FSHR: variants seen among roughly 807,000 people sequenced by gnomAD.
The protein encoded by FSHR is follicle-stimulating hormone receptor.
A neutral mutation model predicts 52.1 loss-of-function variants in FSHR; 46 were observed. That is an observed-to-expected ratio of 0.88 (90% CI 0.70 to 1.13). FSHR has a LOEUF of 1.13. Ranked by LOEUF, FSHR falls within the 50% of genes most tolerant of loss-of-function variation. The pLI, the probability that FSHR is intolerant of heterozygous loss-of-function variation, is 0.00. For missense variants in FSHR, 964 were observed against 834.6 expected (o/e 1.16, Z -1.91); for synonymous variants, 399 against 309.6 (o/e 1.29, Z -3.03).
At chr2:48,984,791 G>A (rs1440089321) in intron 6 of FSHR, among the ~76,000 whole-genome samples, 5 of 152,096 alleles carry the variant, frequency 3.3e-5, no homozygotes, top group African/African-American at 1.2e-4. Context: ...AATATTTCTT[G>A]CATATTACTG....
At chr2:49,063,299 A>C (rs1200003528) in intron 2 of FSHR, among the ~76,000 whole-genome samples, 1 of 152,156 alleles carries the variant, frequency 6.6e-6, no homozygotes, top group Non-Finnish European at 1.5e-5. Flanking sequence ...TCTCTTTTCA[A>C]AGGAAATCTT....
chr2:49,132,602 C>T (rs1453873475), intron 1 of FSHR, among the ~76,000 whole-genome samples: 3 of 152,042 alleles, frequency 2.0e-5, no homozygotes, highest in African/African-American at 7.2e-5. Flanking sequence ...GCACATGGGA[C>T]ACATTAAAGT....
At chr2:49,025,047 C>G (rs138955268) in intron 2 of FSHR, among the ~76,000 whole-genome samples, 5 of 152,264 alleles carry the variant, frequency 3.3e-5, no homozygotes, top group African/African-American at 1.2e-4. Context: ...AATGAATTAT[C>G]TTTGAAAGAT....
At chr2:49,127,886 C>CT in intron 1 of FSHR, among the ~76,000 whole-genome samples, 2 of 33,996 alleles carry the variant, frequency 5.9e-5, no homozygotes, top group South Asian at 1.3e-3. Flanking sequence ...TCTTCTTCTT[C>CT]TTCTTCTTCT....
At chr2:49,103,018 G>C (rs181244901) in intron 1 of FSHR, among the ~76,000 whole-genome samples, 27 of 151,796 alleles carry the variant, frequency 1.8e-4, no homozygotes, top group African/African-American at 6.5e-4. Flanking sequence ...AATCTTCCCC[G>C]CCTTCCCCCA....
chr2:48,984,859 T>C (rs1160682926), intron 6 of FSHR, among the ~76,000 whole-genome samples: 1 of 152,224 alleles, frequency 6.6e-6, no homozygotes, highest in Non-Finnish European at 1.5e-5. Flanking sequence ...TAAATAATTA[T>C]TGTATTCAAA....
At chr2:49,094,786 A>G (rs577671019) in intron 1 of FSHR, among the ~76,000 whole-genome samples, 3 of 152,216 alleles carry the variant, frequency 2.0e-5, no homozygotes, top group Non-Finnish European at 2.9e-5. Flanking sequence ...ACAATAAACA[A>G]TAAAGATTAG....
At chr2:49,066,258 G>A (rs1293050819) in intron 2 of FSHR, among the ~76,000 whole-genome samples, 1 of 151,980 alleles carries the variant, frequency 6.6e-6, no homozygotes, top group African/African-American at 2.4e-5. Context: ...GGTCACATGT[G>A]CAGAATGAAT....
intron 1 of FSHR, among the ~76,000 whole-genome samples, chr2:49,086,472 A>G (rs138568596): frequency 6.6e-6 from 1 of 152,138 alleles, no homozygotes; most frequent in Admixed American, 6.5e-5. Context: ...TAAGACTTTG[A>G]GATTTCTGGT....
At chr2:49,122,248 C>T (rs1278931326) in intron 1 of FSHR, among the ~76,000 whole-genome samples, 6 of 152,268 alleles carry the variant, frequency 3.9e-5, no homozygotes, top group Non-Finnish European at 7.3e-5. Context: ...CAGACCTACA[C>T]GGGCATATTC....
At chr2:49,087,437 T>C (rs967594076) in intron 1 of FSHR, among the ~76,000 whole-genome samples, 16 of 152,180 alleles carry the variant, frequency 1.1e-4, no homozygotes, top group African/African-American at 3.6e-4. Context: ...TTTTGACAAA[T>C]ATTCACTGTG....
intron 1 of FSHR, among the ~76,000 whole-genome samples, chr2:49,082,844 G>A (rs1670227534): frequency 6.6e-6 from 1 of 152,166 alleles, no homozygotes; most frequent in Non-Finnish European, 1.5e-5. Flanking sequence ...ATGGGACTAT[G>A]TGAAAACACC....
intron 1 of FSHR, among the ~76,000 whole-genome samples, chr2:49,115,986 C>T (rs1671583636): frequency 6.6e-6 from 1 of 152,056 alleles, no homozygotes; most frequent in African/African-American, 2.4e-5. Context: ...AATCCTAATC[C>T]TGCGTTTGAT....
intron 2 of FSHR, among the ~76,000 whole-genome samples, chr2:49,022,906 C>G (rs1209400554): frequency 6.6e-6 from 1 of 152,148 alleles, no homozygotes; most frequent in Non-Finnish European, 1.5e-5. Context: ...TGAGAACCAC[C>G]TAGAGATCTT....
chr2:49,078,334 G>A (rs1453260764), intron 1 of FSHR, among the ~76,000 whole-genome samples: 1 of 152,044 alleles, frequency 6.6e-6, no homozygotes, highest in Non-Finnish European at 1.5e-5. Flanking sequence ...AACAGCACGG[G>A]AAAGACCTGC....
intron 2 of FSHR, among the ~76,000 whole-genome samples, chr2:49,021,831 T>TTTTCTCTCTCTCTCTC (rs760578631): frequency 1.4e-3 from 66 of 46,254 alleles, no homozygotes; most frequent in Non-Finnish European, 1.8e-3. Flanking sequence ...GGGTATGTGT[T>TTTTCTCTCTCTCTCTC]TCTCTCTCTC....
chr2:49,099,872 C>T (rs1316774067), intron 1 of FSHR, among the ~76,000 whole-genome samples: 3 of 152,120 alleles, frequency 2.0e-5, no homozygotes, highest in Non-Finnish European at 4.4e-5. Flanking sequence ...TGAGAGAATA[C>T]ATTTCTGTTG....
At chr2:49,046,484 A>T (rs1337845361) in intron 2 of FSHR, among the ~76,000 whole-genome samples, 1 of 152,208 alleles carries the variant, frequency 6.6e-6, no homozygotes, top group East Asian at 1.9e-4. Flanking sequence ...CGTTCTCACT[A>T]TAAAATTAGA....
intron 1 of FSHR, among the ~76,000 whole-genome samples, chr2:49,127,916 G>A (rs145304181): frequency 0.015 from 1,370 of 92,528 alleles, 46 homozygotes; most frequent in Middle Eastern, 0.049. Flanking sequence ...TTTTTGAGAC[G>A]GAGTCTTACT....
Sources: allele counts gnomAD v4.1 joint callset (sites outside exome capture counted in the v4.1 genomes callset), GRCh38; gene constraint gnomAD v4.1.1; transcripts MANE v1.5; gene names NCBI Gene and HGNC (gene_info 2026-07-23, HGNC 2026-07-21).